Variants in GDAP1 observed in about 807,000 individuals in gnomAD.
The protein encoded by GDAP1 is ganglioside induced differentiation associated protein 1, also known as ganglioside-induced differentiation-associated protein 1.
GDAP1 carries 34 observed loss-of-function variants against 40.1 expected under a neutral mutation model. That is an observed-to-expected ratio of 0.85 (90% confidence interval 0.64 to 1.13). The LOEUF (loss-of-function observed/expected upper bound fraction) is 1.13, where lower values mean the gene tolerates loss of function less well. Among genes scored for constraint, GDAP1 ranks in the 50% most tolerant of loss-of-function variants. The pLI is 0.00. For missense variants in GDAP1, 374 were observed against 433.7 expected, an observed-to-expected ratio of 0.86 and a Z score of 1.22; for synonymous variants, 170 against 157.4, an observed-to-expected ratio of 1.08 and a Z score of -0.60.
chr8:74,459,823 A>T (rs561832803), intron 2 of GDAP1, among the ~76,000 whole-genome samples: 1 of 152,202 alleles, frequency 6.6e-6, no homozygotes, highest in Non-Finnish European at 1.5e-5. Context: ...AATGTACAAA[A>T]TTAATTTGAA....
At chr8:74,368,671 G>A (rs1384375967), downstream of GDAP1, among the ~76,000 whole-genome samples, 1 of 152,178 alleles carries the variant, frequency 6.6e-6, no homozygotes, top group African/African-American at 2.4e-5. Context: ...TTCCTTTCAG[G>A]TAGAGGAGGG....
rs749322663 is a variant in GDAP1, at chr8:74,365,568, G to C, written c.*1201G>C. 4.4e-6 allele frequency: 2 copies of C among 454,288 alleles called. No individual in the cohort carries two copies. Among genetic ancestry groups the C allele is most frequent in the South Asian group, 1.6e-5 (1 of 64,484 alleles). 28.1% of individuals were successfully genotyped at this position (454,288 alleles called of 1,614,324 possible). A position where few individuals can be genotyped will look rare whatever the true frequency, so the allele number is the denominator to read the frequency against. ...CATGAAGGCCTTAGAAGCCATTTCTGGTGTCTGGTGGGTAGCAGGCATAGA... is the reference window on the plus strand; with the variant it reads ...CATGAAGGCCTTAGAAGCCATTTCTCGTGTCTGGTGGGTAGCAGGCATAGA... On this transcript the variant is annotated 3_prime_UTR_variant, in exon 6 of 6. Coordinates refer to ENST00000220822, the MANE Select transcript of GDAP1 (RefSeq NM_018972.4).
At chr8:74,382,660 A>G (rs1207363676) in intron 2 of GDAP1, among the ~76,000 whole-genome samples, 1 of 152,102 alleles carries the variant, frequency 6.6e-6, no homozygotes, top group African/African-American at 2.4e-5. Flanking sequence ...CATGACTTAG[A>G]TCTTAAAATA....
chr8:74,448,333 C>A (rs1037622770), intron 2 of GDAP1, among the ~76,000 whole-genome samples: 1 of 152,016 alleles, frequency 6.6e-6, no homozygotes, highest in African/African-American at 2.4e-5. Flanking sequence ...TAGTTCATTC[C>A]TTTTTATTGC....
rs569120448 is a variant in GDAP1, at chr8:74,402,690, A to G, written c.165+51369A>G. 2.1e-4 allele frequency among the ~76,000 whole-genome samples: 31 copies of G among 150,372 alleles called. No homozygotes were observed. The South Asian group carries it at 6.0e-3, about 29-fold the overall frequency. On this transcript the variant is annotated intron_variant, in intron 2 of 2. Coordinates refer to the GDAP1 transcript ENST00000523640. ...AGACTGGAGCTATTCCTATTCGGCC[A>G]TCTTGGCTCCTTCCCCAAAGCTTTT...
chr8:74,447,492 T>C (rs1017092260), intron 2 of GDAP1, among the ~76,000 whole-genome samples: 2 of 152,070 alleles, frequency 1.3e-5, no homozygotes, highest in African/African-American at 2.4e-5. Flanking sequence ...ACGCCACAAG[T>C]GGAAAATATC....
intron 2 of GDAP1, among the ~76,000 whole-genome samples, chr8:74,421,324 T>C (rs1231651390): frequency 6.6e-6 from 1 of 150,572 alleles, no homozygotes; most frequent in African/African-American, 2.5e-5. Context: ...TGTAGGTTCT[T>C]TTTTTTTTCC....
intron 2 of GDAP1, among the ~76,000 whole-genome samples, chr8:74,464,283 G>A (rs558482548): frequency 2.0e-5 from 3 of 152,244 alleles, no homozygotes; most frequent in Admixed American, 1.3e-4. Context: ...GTCAAATTCC[G>A]GGTTAATTTA....
At chr8:74,462,403 A>C (rs1025104244) in intron 2 of GDAP1, among the ~76,000 whole-genome samples, 1 of 152,220 alleles carries the variant, frequency 6.6e-6, no homozygotes, top group Non-Finnish European at 1.5e-5. Context: ...CTAATGACTT[A>C]ATTCAACAAA....
intron 2 of GDAP1, among the ~76,000 whole-genome samples, chr8:74,443,710 G>T (rs544483218): frequency 3.3e-5 from 5 of 152,112 alleles, no homozygotes; most frequent in Non-Finnish European, 5.9e-5. Context: ...CCCAGCTATG[G>T]GACTGGTTCA....
intron 2 of GDAP1, among the ~76,000 whole-genome samples, chr8:74,429,819 C>T (rs2131564248): frequency 6.6e-6 from 1 of 152,000 alleles, no homozygotes; most frequent in African/African-American, 2.4e-5. Flanking sequence ...AATGTATGTA[C>T]AGTCAATAAA....
At position 74,366,855 on chromosome 8, in the gene GDAP1, T is replaced by C. The variant is rs1440593217; in HGVS notation, c.*2488T>C. On this transcript the variant is annotated 3_prime_UTR_variant, in exon 6 of 6. Coordinates refer to ENST00000220822, the MANE Select transcript of GDAP1 (RefSeq NM_018972.4). Reference sequence around the variant, plus strand: ...AAGATCAATAAAAGTAATTGGAAAATAAATATGAACCCTAAAACAAAGTAC... The same window carrying C: ...AAGATCAATAAAAGTAATTGGAAAACAAATATGAACCCTAAAACAAAGTAC... 2.3e-6 allele frequency: 1 copy of C among 438,182 alleles called. No homozygotes were observed. Among genetic ancestry groups the C allele is most frequent in the South Asian group, 1.7e-5 (1 of 60,156 alleles). The allele number at this position is 438,182 out of a possible 1,614,324, so 27.1% of individuals were successfully genotyped here.
intron 2 of GDAP1, among the ~76,000 whole-genome samples, chr8:74,436,670 C>A (rs1056042727): frequency 1.3e-5 from 2 of 151,986 alleles, no homozygotes; most frequent in African/African-American, 4.8e-5. Flanking sequence ...AATCTCCCTG[C>A]CTCAGCCTCC....
intron 2 of GDAP1, among the ~76,000 whole-genome samples, chr8:74,481,765 A>G (rs957750564): frequency 6.6e-6 from 1 of 152,150 alleles, no homozygotes; most frequent in African/African-American, 2.4e-5. Flanking sequence ...TAATTTTCCT[A>G]TTAATAATAA....
At chr8:74,398,116 C>A (rs1260523604) in intron 2 of GDAP1, among the ~76,000 whole-genome samples, 1 of 151,914 alleles carries the variant, frequency 6.6e-6, no homozygotes, top group Non-Finnish European at 1.5e-5. Flanking sequence ...CTCTTTGAAG[C>A]AATTGTGAAT....
rs1038695339 is a variant in GDAP1, at chr8:74,417,723, C to T, written c.165+66402C>T. Among the ~76,000 whole-genome samples, 19 of 126,724 alleles carry T rather than the reference C, an allele frequency of 1.5e-4. 2 individuals carry two copies. Among genetic ancestry groups the T allele is most frequent in the African/African-American group, 5.9e-4 (18 of 30,640 alleles). 83.1% of individuals were successfully genotyped at this position (126,724 alleles called of 152,430 possible). A position where few individuals can be genotyped will look rare whatever the true frequency, so the allele number is the denominator to read the frequency against. ...AGTGAGCTGAGATTGTGCCATTGCACTCCAGCCTGAGCAACAAGAGTGAAA... is the reference window on the plus strand; with the variant it reads ...AGTGAGCTGAGATTGTGCCATTGCATTCCAGCCTGAGCAACAAGAGTGAAA... On this transcript the variant is annotated intron_variant, in intron 2 of 2. Coordinates refer to the GDAP1 transcript ENST00000523640.
chr8:74,429,695 C>T (rs530033063), intron 2 of GDAP1, among the ~76,000 whole-genome samples: 11 of 152,152 alleles, frequency 7.2e-5, no homozygotes, highest in Non-Finnish European at 1.2e-4. Context: ...AACTTAATTA[C>T]CCTTTAACGG....
intron 2 of GDAP1, among the ~76,000 whole-genome samples, chr8:74,412,540 G>T (rs1227075849): frequency 6.7e-6 from 1 of 150,122 alleles, no homozygotes; most frequent in Non-Finnish European, 1.5e-5. Flanking sequence ...CAGTTAAACT[G>T]CCAGCAGATT....
At chr8:74,416,922 G>GTTTT (rs1379292544) in intron 2 of GDAP1, among the ~76,000 whole-genome samples, 1 of 102,148 alleles carries the variant, frequency 9.8e-6, no homozygotes, top group African/African-American at 4.5e-5. Context: ...TTGTTTTTTT[G>GTTTT]TTTTTTGTTT....
Sources: allele counts gnomAD v4.1 joint callset (sites outside exome capture counted in the v4.1 genomes callset), GRCh38; gene constraint gnomAD v4.1.1; transcripts MANE v1.5; gene names NCBI Gene and HGNC (gene_info 2026-07-23, HGNC 2026-07-21).